Variants in BMP5 observed in about 807,000 individuals in gnomAD.
BMP5 encodes the protein bone morphogenetic protein 5.
In BMP5, 23 loss-of-function variants were observed where a neutral mutation model predicts 46.6. That is an observed-to-expected ratio of 0.49 (90% CI 0.35 to 0.70). BMP5 has a LOEUF of 0.70. BMP5 is among the 30% of genes least tolerant of loss of function. The pLI is 0.00. For synonymous variants in BMP5, 204 were observed against 191.9 expected, an observed-to-expected ratio of 1.06 and a Z score of -0.52; for missense variants, 545 against 565.6, an observed-to-expected ratio of 0.96 and a Z score of 0.37.
intron 1 of BMP5, among the ~76,000 whole-genome samples, chr6:55,841,936 G>GAA (rs1776970028): frequency 6.6e-6 from 1 of 152,000 alleles, no homozygotes; most frequent in African/African-American, 2.4e-5. Flanking sequence ...GAGAGAGAGA[G>GAA]AGAGAGATTT....
chr6:55,800,083 T>C (rs1026897048), intron 2 of BMP5, among the ~76,000 whole-genome samples: 1 of 152,178 alleles, frequency 6.6e-6, no homozygotes, highest in African/African-American at 2.4e-5. Context: ...TCCTGCACTT[T>C]CGATAGCATA....
chr6:55,825,750 A>G (rs550841784), intron 1 of BMP5, among the ~76,000 whole-genome samples: 2 of 151,984 alleles, frequency 1.3e-5, no homozygotes, highest in South Asian at 4.1e-4. Context: ...AGTTTTATCT[A>G]TGTAGTGATT....
chr6:55,778,910 G>A (rs1775242219), intron 3 of BMP5, among the ~76,000 whole-genome samples: 1 of 152,008 alleles, frequency 6.6e-6, no homozygotes, highest in African/African-American at 2.4e-5. Flanking sequence ...TGAGGTTAGT[G>A]TATTGTGGTC....
At chr6:55,761,299 C>G (rs1279835399) in intron 4 of BMP5, among the ~76,000 whole-genome samples, 2 of 152,048 alleles carry the variant, frequency 1.3e-5, no homozygotes, top group African/African-American at 4.8e-5. Context: ...GCTAGTCTCC[C>G]TGCTTCTGCC....
chr6:55,769,086 T>C (rs1460149419), intron 4 of BMP5, among the ~76,000 whole-genome samples: 1 of 151,970 alleles, frequency 6.6e-6, no homozygotes, highest in Non-Finnish European at 1.5e-5. Flanking sequence ...TGATACCTGC[T>C]GACTGATCAG....
intron 3 of BMP5, among the ~76,000 whole-genome samples, chr6:55,782,775 G>C (rs537249180): frequency 8.6e-4 from 131 of 152,190 alleles, no homozygotes; most frequent in Non-Finnish European, 1.5e-3. Flanking sequence ...TAAGAGAGAA[G>C]CAACAGCTGC....
At chr6:55,816,681 C>T (rs1024981655) in intron 2 of BMP5, among the ~76,000 whole-genome samples, 7 of 152,222 alleles carry the variant, frequency 4.6e-5, no homozygotes, top group African/African-American at 1.2e-4. Context: ...TCAGTCAGTA[C>T]GTATTAAAGT....
chr6:55,852,935 T>C (rs998221183), intron 1 of BMP5, among the ~76,000 whole-genome samples: 3 of 151,764 alleles, frequency 2.0e-5, no homozygotes, highest in African/African-American at 7.3e-5. Flanking sequence ...ATCGAGACCA[T>C]CCTGGCTAAC....
Position 55,862,823 on chromosome 6 carries a change from T to C in BMP5, c.490+11553A>G, listed in dbSNP as rs570951164. Reference sequence around the variant, plus strand: ...TCCAAGCTTTGCTGCGACTTGGTTTTACCTTTGCTCCAGTCTTTTTGGACT... The same window carrying C: ...TCCAAGCTTTGCTGCGACTTGGTTTCACCTTTGCTCCAGTCTTTTTGGACT... On this transcript the variant is annotated intron_variant, in intron 1 of 6. Transcript: ENST00000370830. 3.3e-5 allele frequency among the ~76,000 whole-genome samples: 5 copies of C among 152,350 alleles called. No individual in the cohort carries two copies. The South Asian group carries it at 1.0e-3, about 32-fold the overall frequency.
chr6:55,842,080 G>C (rs746632947), intron 1 of BMP5, among the ~76,000 whole-genome samples: 1 of 152,122 alleles, frequency 6.6e-6, no homozygotes, highest in South Asian at 2.1e-4. Flanking sequence ...AATTTAGTTG[G>C]ACATTATGAA....
At chr6:55,775,529 T>C (rs1250450033) in intron 3 of BMP5, among the ~76,000 whole-genome samples, 1 of 152,012 alleles carries the variant, frequency 6.6e-6, no homozygotes, top group African/African-American at 2.4e-5. Flanking sequence ...GTTGCTACTC[T>C]AGATACAGAA....
chr6:55,857,953 G>A (rs965599125), intron 1 of BMP5, among the ~76,000 whole-genome samples: 6 of 152,098 alleles, frequency 3.9e-5, no homozygotes, highest in Non-Finnish European at 7.4e-5. Flanking sequence ...GGCCAGGCTG[G>A]TTTTGAATGC....
chr6:55,815,997 T>C lies in BMP5; in HGVS notation c.683+3658A>G, dbSNP rs533034693. Among the ~76,000 whole-genome samples the C allele has an allele frequency of 4.7e-4, 71 of 152,180 alleles. 1 individual carries two copies. In the South Asian group the frequency reaches 0.014, roughly 30 times the overall value. On this transcript the variant is annotated intron_variant, in intron 2 of 6. Coordinates refer to ENST00000370830, the MANE Select transcript of BMP5 (RefSeq NM_021073.4). ...CAGAACAGTGGGCATACAGAAAAGA[T>C]AGGAATTTTAATTGTGATCAATGTA...
intron 3 of BMP5, among the ~76,000 whole-genome samples, chr6:55,785,464 A>T (rs982634758): frequency 2.0e-5 from 3 of 151,816 alleles, no homozygotes; most frequent in Non-Finnish European, 4.4e-5. Context: ...AAACTAAAGC[A>T]TACAGGGAAG....
At chr6:55,838,272 G>GTTCCCTTT (rs1776871584) in intron 1 of BMP5, among the ~76,000 whole-genome samples, 1 of 152,084 alleles carries the variant, frequency 6.6e-6, no homozygotes, top group Non-Finnish European at 1.5e-5. Context: ...GTGTACCAGG[G>GTTCCCTTT]TTCCCTTTTC....
chr6:55,773,139 T>C (rs1196189760), intron 4 of BMP5, among the ~76,000 whole-genome samples: 1 of 151,974 alleles, frequency 6.6e-6, no homozygotes, highest in Non-Finnish European at 1.5e-5. Flanking sequence ...TCATCCATCA[T>C]GCCTGGCAGA....
intron 3 of BMP5, among the ~76,000 whole-genome samples, chr6:55,775,882 C>A (rs535540329): frequency 6.7e-6 from 1 of 149,404 alleles, no homozygotes; most frequent in African/African-American, 2.5e-5. Flanking sequence ...TTGAGAGGGA[C>A]GGACACAGGG....
chr6:55,835,276 A>G (rs972884354), intron 1 of BMP5, among the ~76,000 whole-genome samples: 2 of 152,162 alleles, frequency 1.3e-5, no homozygotes, highest in African/African-American at 2.4e-5. Flanking sequence ...ATTCTCAACA[A>G]TGAAAAAATA....
Position 55,767,090 on chromosome 6 carries a change from G to T in BMP5, c.1028-6557C>A, listed in dbSNP as rs1774932365. ...TCTTCCTGTGGATTTTTCCTAGAGAGAAATTTAACAACAGACACAATGCCT... is the reference window on the plus strand; with the variant it reads ...TCTTCCTGTGGATTTTTCCTAGAGATAAATTTAACAACAGACACAATGCCT... On this transcript the variant is annotated intron_variant, in intron 4 of 6. Transcript: ENST00000370830. Among the ~76,000 whole-genome samples, 5 of 151,970 alleles carry T rather than the reference G, an allele frequency of 3.3e-5. No individual in the cohort carries two copies. In the South Asian group the frequency reaches 1.0e-3, roughly 32 times the overall value.
Sources: gnomAD v4.1 joint callset for allele counts (sites outside exome capture counted in the v4.1 genomes callset) on GRCh38, gnomAD v4.1.1 for gene constraint, MANE v1.5 for transcripts, NCBI Gene and HGNC (gene_info 2026-07-23, HGNC 2026-07-21) for gene names.